Variants in ARID1B observed in about 807,000 individuals in gnomAD.
ARID1B encodes AT-rich interactive domain-containing protein 1B.
ARID1B carries 30 observed loss-of-function variants against 212.3 expected under a neutral mutation model. The ratio of observed to expected loss-of-function variants is 0.14; its 90% CI spans 0.11 to 0.19. ARID1B has a LOEUF of 0.19. ARID1B is among the 10% of genes least tolerant of loss of function. The probability of loss-of-function intolerance (pLI) is 1.00; values close to 1 mark genes in which losing one functional copy is unlikely to be tolerated. For missense variants in ARID1B, 2,891 were observed against 3,204.0 expected, an observed-to-expected ratio of 0.90 and a Z score of 2.36; for synonymous variants, 1,402 against 1,301.7, an observed-to-expected ratio of 1.08 and a Z score of -1.66.
intron 4 of ARID1B, among the ~76,000 whole-genome samples, chr6:157,039,687 TTCC>T (rs1781654222): frequency 1.1e-4 from 10 of 91,916 alleles, no homozygotes; most frequent in East Asian, 5.3e-4. Flanking sequence ...CCTTCCTTCC[TTCC>T]TTCCTTCTTT....
At chr6:156,978,982 C>A (rs775807304) in intron 4 of ARID1B, among the ~76,000 whole-genome samples, 27 of 152,170 alleles carry the variant, frequency 1.8e-4, no homozygotes, top group South Asian at 8.3e-4. Flanking sequence ...GCTGATAAAT[C>A]CATTTTAATG....
At chr6:157,070,971 C>T (rs192494216) in intron 4 of ARID1B, among the ~76,000 whole-genome samples, 40 of 152,278 alleles carry the variant, frequency 2.6e-4, no homozygotes, top group African/African-American at 8.2e-4. Context: ...GAAATCCTGC[C>T]GAGCCCTGGG....
chr6:156,787,728 G>A (rs1223433038), intron 1 of ARID1B, among the ~76,000 whole-genome samples: 2 of 152,212 alleles, frequency 1.3e-5, no homozygotes, highest in Non-Finnish European at 2.9e-5. Flanking sequence ...TAATTCCGAG[G>A]GGACTGGCAT....
At chr6:157,101,039 G>A (rs559273420) in intron 5 of ARID1B, among the ~76,000 whole-genome samples, 4 of 152,246 alleles carry the variant, frequency 2.6e-5, no homozygotes, top group East Asian at 1.9e-4. Flanking sequence ...AAAGAGAGCC[G>A]ATTTCCATGA....
Position 156,778,881 on chromosome 6 carries a change from G to GGAGGCGGCGGAGGAGGAC in ARID1B, c.1206_1207insGGCGGAGGAGGACGAGGC (p.Gly402_Ser403insGlyGlyGlyGlyArgGly), listed in dbSNP as rs1778920648. On this transcript the variant is annotated inframe_insertion, in exon 1 of 20. Transcript: ENST00000636930. ...CGGCGGCGGCGGCGGCGGAGGAGGAGGAGGCAGCGGAGGAGGAGGAGGAGG... is the reference window on the plus strand; with the variant it reads ...CGGCGGCGGCGGCGGCGGAGGAGGAGGAGGCGGCGGAGGAGGACGAGGCAGCGGAGGAGGAGGAGGAGG... The GGAGGCGGCGGAGGAGGAC allele has an allele frequency of 2.2e-6, 3 of 1,395,130 alleles. No homozygotes were observed. The highest frequency in any genetic ancestry group is 2.8e-6 in the Non-Finnish European group (3 of 1,072,470). The allele number at this position is 1,395,130 out of a possible 1,614,324, so 86.4% of individuals were successfully genotyped here.
chr6:156,832,539 T>C (rs976001873), intron 2 of ARID1B, among the ~76,000 whole-genome samples: 3 of 152,238 alleles, frequency 2.0e-5, no homozygotes, highest in African/African-American at 4.8e-5. Context: ...ATTGCTCGTA[T>C]ATTTCTGCAC....
At chr6:157,137,178 C>T (rs774710605) in intron 7 of ARID1B, among the ~76,000 whole-genome samples, 3 of 151,448 alleles carry the variant, frequency 2.0e-5, no homozygotes, top group Admixed American at 6.6e-5. Flanking sequence ...GAGACCCTGT[C>T]GCAAAAAATA....
At chr6:157,199,946 C>T (rs143469457) in intron 17 of ARID1B, among the ~76,000 whole-genome samples, 4 of 152,286 alleles carry the variant, frequency 2.6e-5, no homozygotes, top group East Asian at 3.9e-4. Context: ...GGATTACAGG[C>T]GTGAGTCACT....
intron 2 of ARID1B, among the ~76,000 whole-genome samples, chr6:156,868,940 C>G (rs1359372377): frequency 6.6e-6 from 1 of 152,076 alleles, no homozygotes; most frequent in East Asian, 1.9e-4. Context: ...AAAGAAGTGA[C>G]AGACCAAGTA....
rs1783221042 is a variant in ARID1B at position 156,832,636 on chromosome 6, A to G, written c.1986+3215A>G. Among the ~76,000 whole-genome samples the G allele has an allele frequency of 2.0e-5, 3 of 152,214 alleles. No individual in the cohort carries two copies. In the South Asian group the frequency reaches 6.2e-4, roughly 32 times the overall value. On this transcript the variant is annotated intron_variant, in intron 2 of 19. Transcript: ENST00000636930. ...AAGTTGTCTTTGGCTCAGGGGTCACAGTTTGATTCCTGGCTGGCGTTCTGC... is the reference window on the plus strand; with the variant it reads ...AAGTTGTCTTTGGCTCAGGGGTCACGGTTTGATTCCTGGCTGGCGTTCTGC...
rs903905221 is a variant in ARID1B at position 156,871,782 on chromosome 6, G to A, written c.1987-29594G>A. The A allele has an allele frequency of 1.4e-5, 15 of 1,085,186 alleles. No individual in the cohort carries two copies. In the Middle Eastern group the frequency reaches 8.3e-4, roughly 60 times the overall value. The allele number at this position is 1,085,186 out of a possible 1,614,324, so 67.2% of individuals were successfully genotyped here. A position where few individuals can be genotyped will look rare whatever the true frequency, so the allele number is the denominator to read the frequency against. On this transcript the variant is annotated intron_variant, in intron 2 of 19. Transcript: ENST00000636930. ...GGGCTTCTTAGATGGGAGGCTGAGG[G>A]CCCATCCCTGTGCAGGTGCATGTCC...
chr6:157,025,716 AG>A (rs1484613856), intron 4 of ARID1B, among the ~76,000 whole-genome samples: 1 of 152,148 alleles, frequency 6.6e-6, no homozygotes, highest in African/African-American at 2.4e-5. Context: ...CATCAGTTGA[AG>A]GGTATTTGGA....
intron 6 of ARID1B, among the ~76,000 whole-genome samples, chr6:157,127,062 T>C (rs921663937): frequency 1.3e-5 from 2 of 152,230 alleles, no homozygotes; most frequent in East Asian, 1.9e-4. Context: ...TGTATTTCTT[T>C]CAAAAATAAA....
chr6:156,956,830 C>T (rs1384153743), intron 4 of ARID1B, among the ~76,000 whole-genome samples: 1 of 152,132 alleles, frequency 6.6e-6, no homozygotes, highest in African/African-American at 2.4e-5. Context: ...TTGTTATATA[C>T]CACCTGAAAT....
chr6:156,810,357 A>T (rs1006825948), intron 1 of ARID1B, among the ~76,000 whole-genome samples: 2 of 152,120 alleles, frequency 1.3e-5, no homozygotes, highest in Admixed American at 6.5e-5. Context: ...CCAAAGATCC[A>T]CCTGCCAGCC....
At chr6:156,782,208 A>G (rs1021743186) in intron 1 of ARID1B, among the ~76,000 whole-genome samples, 1 of 151,920 alleles carries the variant, frequency 6.6e-6, no homozygotes, top group Non-Finnish European at 1.5e-5. Context: ...GCCTGACTGT[A>G]GGTCATGAAA....
chr6:156,928,274 A>G (rs1424123860), intron 3 of ARID1B, among the ~76,000 whole-genome samples: 1 of 152,196 alleles, frequency 6.6e-6, no homozygotes, highest in Non-Finnish European at 1.5e-5. Flanking sequence ...AGTCAGCAGC[A>G]TTGACCGCAG....
chr6:156,974,181 C>T (rs1777094190), intron 4 of ARID1B, among the ~76,000 whole-genome samples: 1 of 151,940 alleles, frequency 6.6e-6, no homozygotes, highest in Non-Finnish European at 1.5e-5. Flanking sequence ...TTTTAATAGC[C>T]TGAATAAAGA....
chr6:156,919,383 G>GT (rs896640073), intron 3 of ARID1B, among the ~76,000 whole-genome samples: 36 of 150,034 alleles, frequency 2.4e-4, no homozygotes, highest in Middle Eastern at 3.4e-3. Flanking sequence ...TATATTTTAA[G>GT]TTTTTTTTTT....
Sources: allele counts gnomAD v4.1 joint callset (sites outside exome capture counted in the v4.1 genomes callset), GRCh38; gene constraint gnomAD v4.1.1; transcripts MANE v1.5; gene names NCBI Gene and HGNC (gene_info 2026-07-23, HGNC 2026-07-21).